Variants in WDFY4 observed in about 807,000 individuals in gnomAD.
WDFY4 encodes the protein WDFY family member 4.
Under a neutral mutation model 351.9 loss-of-function variants are expected in WDFY4, and 169 were observed. The ratio of observed to expected loss-of-function variants is 0.48; its 90% CI spans 0.42 to 0.55. WDFY4 has a LOEUF of 0.55. Ranked by LOEUF, WDFY4 falls within the 20% of genes least tolerant of loss-of-function variation. The pLI is 0.00. For synonymous variants in WDFY4, 1,622 were observed against 1,574.6 expected (o/e 1.03, Z -0.71); for missense variants, 3,803 against 3,935.6 (o/e 0.97, Z 0.90).
intron 55 of WDFY4, 119 bp downstream of exon 55, chr10:48,966,792 A>G: frequency 7.5e-7 from 1 of 1,330,608 alleles, no homozygotes; most frequent in Non-Finnish European, 1.0e-6. Context: ...CTGACTTTGA[A>G]TGGCTGCATC....
chr10:48,686,924 C>A (rs955316698), intron 1 of WDFY4, among the ~76,000 whole-genome samples: 2 of 152,112 alleles, frequency 1.3e-5, no homozygotes, highest in African/African-American at 4.8e-5. Flanking sequence ...ATATCGTCAG[C>A]CTTACTGGAT....
chr10:48,909,208 C>T (rs1326784283), intron 47 of WDFY4, among the ~76,000 whole-genome samples: 1 of 152,170 alleles, frequency 6.6e-6, no homozygotes, highest in East Asian at 1.9e-4. Context: ...GTGGTCATTA[C>T]AAATAAAGCA....
chr10:48,943,585 G>T, intron 49 of WDFY4, 136 bp downstream of exon 49: 1 of 895,502 alleles, frequency 1.1e-6, no homozygotes, highest in Non-Finnish European at 1.6e-6. Context: ...AAAGGCTGCT[G>T]AAGCTCAGAT....
rs1281623203 is a variant in WDFY4 at position 48,745,584 on chromosome 10, C to G, written c.2459+2036C>G. 9 of 498,950 alleles carry G rather than the reference C, an allele frequency of 1.8e-5. No homozygotes were observed. The East Asian group carries it at 4.1e-4, about 23-fold the overall frequency. 30.9% of individuals were successfully genotyped at this position (498,950 alleles called of 1,614,324 possible). Reference sequence around the variant, plus strand: ...CCTCTGTGTATTTGTCAGTTTTCTTCTCCACGTTCTTTTTGGCCTGTTTCT... The same window carrying G: ...CCTCTGTGTATTTGTCAGTTTTCTTGTCCACGTTCTTTTTGGCCTGTTTCT... On this transcript the variant is annotated intron_variant, in intron 12 of 61. Transcript: ENST00000325239.
chr10:48,876,164 T>C (rs1245063631), intron 42 of WDFY4, among the ~76,000 whole-genome samples: 2 of 152,110 alleles, frequency 1.3e-5, no homozygotes, highest in African/African-American at 4.8e-5. Flanking sequence ...GTCCTGTGGT[T>C]CTCCACCATG....
chr10:48,801,586 G>T, intron 24 of WDFY4: 1 of 451,284 alleles, frequency 2.2e-6, no homozygotes, highest in South Asian at 1.6e-5. Flanking sequence ...CCAAATGGCA[G>T]CTGGCCCACC....
At chr10:48,800,730 C>CTTTCTTTCTTTCTTTCT (rs1555016198) in intron 24 of WDFY4, among the ~76,000 whole-genome samples, 1 of 92,810 alleles carries the variant, frequency 1.1e-5, no homozygotes, top group African/African-American at 4.7e-5. Flanking sequence ...TTCATTCTTT[C>CTTTCTTTCTTTCTTTCT]TTTTTTTTTT....
At chr10:48,959,168 T>C (rs573630528) in intron 52 of WDFY4, among the ~76,000 whole-genome samples, 2 of 152,282 alleles carry the variant, frequency 1.3e-5, no homozygotes, top group East Asian at 3.9e-4. Flanking sequence ...GAGACTTGGG[T>C]TGAGTCCAGC....
At position 48,982,622 on chromosome 10, in the gene WDFY4, G is replaced by T; in HGVS notation, c.*47G>T. 6.6e-7 allele frequency: 1 copy of T among 1,526,304 alleles called. No homozygotes were observed. Among genetic ancestry groups the T allele is most frequent in the South Asian group, 1.2e-5 (1 of 83,336 alleles). The allele number at this position is 1,526,304 out of a possible 1,614,324, so 94.5% of individuals were successfully genotyped here. A position where few individuals can be genotyped will look rare whatever the true frequency, so the allele number is the denominator to read the frequency against. ...TCTGGCACAACAGTGCCAGGCTGAG[G>T]GTGGCAGAGGTGACTGGGGCCTGAG... On this transcript the variant is annotated 3_prime_UTR_variant, in exon 62 of 62. Coordinates refer to ENST00000325239, the MANE Select transcript of WDFY4 (RefSeq NM_001394531.1).
At chr10:48,959,108 C>T (rs1488782685) in intron 52 of WDFY4, among the ~76,000 whole-genome samples, 1 of 152,118 alleles carries the variant, frequency 6.6e-6, no homozygotes, top group Non-Finnish European at 1.5e-5. Context: ...AAATGAATCT[C>T]AAAGAAGTGA....
intron 40 of WDFY4, 94 bp downstream of exon 40, chr10:48,867,436 G>A: frequency 1.3e-6 from 1 of 755,998 alleles, no homozygotes; most frequent in South Asian, 3.4e-5. Context: ...TTACGTTCTG[G>A]ATTGCTCACC....
chr10:48,776,104 G>A (rs1038888341), intron 15 of WDFY4, among the ~76,000 whole-genome samples: 1 of 152,186 alleles, frequency 6.6e-6, no homozygotes, highest in African/African-American at 2.4e-5. Context: ...ACGTGGCGCT[G>A]CACTAGACAG....
At chr10:48,808,753 T>C (rs914249384) in intron 28 of WDFY4, among the ~76,000 whole-genome samples, 9 of 152,224 alleles carry the variant, frequency 5.9e-5, no homozygotes, top group African/African-American at 1.4e-4. Context: ...GGAAATGAGA[T>C]AGTCCAGCCA....
At chr10:48,707,100 A>G (rs2063651518) in intron 1 of WDFY4, among the ~76,000 whole-genome samples, 1 of 152,240 alleles carries the variant, frequency 6.6e-6, no homozygotes, top group Non-Finnish European at 1.5e-5. Flanking sequence ...CAAGGAAAAA[A>G]TAAGCAAAGG....
intron 43 of WDFY4, among the ~76,000 whole-genome samples, chr10:48,887,482 G>T (rs2070508079): frequency 6.6e-6 from 1 of 152,196 alleles, no homozygotes; most frequent in African/African-American, 2.4e-5. Context: ...TCTGCTTATA[G>T]AAATTTATGC....
At position 48,723,547 on chromosome 10, in the gene WDFY4, G is replaced by C. The variant is rs1017102529; in HGVS notation, c.571G>C (p.Val191Leu). ...KDELLESDLQ[V>L]QKMFVQMLLN... is the part of the protein sequence containing the mutation. ...TGAGCTTCTTGAGAGTGATCTTCAA[G>C]TTCAAAAGATGTTCGTGCAGGTGAG... The change falls in exon 5 of 62, where the codon GTT (valine) becomes CTT (leucine). Residue 191 changes from valine to leucine, a missense_variant. Transcript: ENST00000325239. The C allele has an allele frequency of 1.3e-6, 2 of 1,551,824 alleles. No individual in the cohort carries two copies. Among genetic ancestry groups the C allele is most frequent in the African/African-American group, 1.4e-5 (1 of 73,028 alleles).
At chr10:48,788,984 T>A (rs765369794) in intron 21 of WDFY4, among the ~76,000 whole-genome samples, 11 of 152,256 alleles carry the variant, frequency 7.2e-5, no homozygotes, top group Non-Finnish European at 1.6e-4. Flanking sequence ...GTCCTGGGTA[T>A]TAATGACCCA....
At position 48,749,276 on chromosome 10, in the gene WDFY4, CCA is replaced by C. The variant is rs745518263; in HGVS notation, c.2459+5729_2459+5730del. Among the ~76,000 whole-genome samples the C allele has an allele frequency of 2.6e-5, 4 of 152,098 alleles. No individual in the cohort carries two copies. In the East Asian group the frequency reaches 7.7e-4, roughly 29 times the overall value. On this transcript the variant is annotated intron_variant, in intron 12 of 61. Coordinates refer to ENST00000325239, the MANE Select transcript of WDFY4 (RefSeq NM_001394531.1). The stretch of plus-strand genomic sequence containing the variant: ...ATCATATATCTCTATGAAACATGCA[CCA>C]TACCAAATAAACACCCCTACACCAA...
intron 13 of WDFY4, among the ~76,000 whole-genome samples, chr10:48,768,924 CT>C (rs1411133233): frequency 1.3e-5 from 2 of 151,904 alleles, no homozygotes; most frequent in African/African-American, 4.8e-5. Flanking sequence ...TCAGGCATTA[CT>C]GGAAAAGGGC....
Sources: gnomAD v4.1 joint callset for allele counts (sites outside exome capture counted in the v4.1 genomes callset) on GRCh38, gnomAD v4.1.1 for gene constraint, MANE v1.5 for transcripts, NCBI Gene and HGNC (gene_info 2026-07-23, HGNC 2026-07-21) for gene names.